The following CHODL variants were observed in gnomAD, a reference collection of about 807,000 sequenced individuals.
CHODL encodes the protein chondrolectin, also known as transmembrane protein MT75.
CHODL carries 29 observed loss-of-function variants against 34.5 expected under a neutral mutation model. The ratio of observed to expected loss-of-function variants is 0.84; its 90% CI spans 0.63 to 1.15. The LOEUF (loss-of-function observed/expected upper bound fraction) is 1.15, where lower values mean the gene tolerates loss of function less well. Ranked by LOEUF, CHODL falls within the 50% of genes most tolerant of loss-of-function variation. The pLI is 0.00. For synonymous variants in CHODL, 125 were observed against 116.1 expected, an observed-to-expected ratio of 1.08 and a Z score of -0.49; for missense variants, 332 against 332.5, an observed-to-expected ratio of 1.00 and a Z score of 0.01.
At chr21:18,235,669 A>G (rs2074022127) in intron 2 of CHODL, among the ~76,000 whole-genome samples, 1 of 152,158 alleles carries the variant, frequency 6.6e-6, no homozygotes, top group Non-Finnish European at 1.5e-5. Context: ...AACTGAATGC[A>G]TTCCACTTAT....
At chr21:18,093,633 G>T (rs537593197) in intron 2 of CHODL, among the ~76,000 whole-genome samples, 1 of 152,260 alleles carries the variant, frequency 6.6e-6, no homozygotes, top group Admixed American at 6.5e-5. Context: ...TTGCATGTTT[G>T]TTTATGCAAT....
intron 2 of CHODL, among the ~76,000 whole-genome samples, chr21:18,103,844 G>A (rs1254082013): frequency 6.6e-6 from 1 of 152,102 alleles, no homozygotes; most frequent in Non-Finnish European, 1.5e-5. Context: ...CATCCTTTCT[G>A]TCACATTCTT....
At chr21:18,046,117 G>A (rs536113608) in intron 2 of CHODL, among the ~76,000 whole-genome samples, 1 of 152,072 alleles carries the variant, frequency 6.6e-6, no homozygotes, top group Admixed American at 6.6e-5. Flanking sequence ...ATAAAAGGGG[G>A]TCAGTGTGAG....
Position 18,129,148 on chromosome 21 carries a change from A to T in CHODL, c.-45+101177A>T, listed in dbSNP as rs142351975. Among the ~76,000 whole-genome samples the T allele has an allele frequency of 3.5e-4, 54 of 152,242 alleles. No individual in the cohort carries two copies. The East Asian group carries it at 8.3e-3, about 23-fold the overall frequency. ...AATTTCTATTAAAAAGAGTTTAATG[A>T]TAAAAATGATGATGGGTTATTTTAA... On this transcript the variant is annotated intron_variant, in intron 2 of 6. Coordinates refer to the CHODL transcript ENST00000400127.
At chr21:18,171,198 G>GTTTTTTTTTTTTTTTTTTTTT (rs1177005708) in intron 2 of CHODL, among the ~76,000 whole-genome samples, 1 of 37,082 alleles carries the variant, frequency 2.7e-5, no homozygotes, top group Non-Finnish European at 4.0e-5. Context: ...GTTTTCTTTA[G>GTTTTTTTTTTTTTTTTTTTTT]TTTTTTTTTT....
At chr21:17,956,686 C>G (rs1475915122) in intron 1 of CHODL, among the ~76,000 whole-genome samples, 1 of 136,200 alleles carries the variant, frequency 7.3e-6, no homozygotes, top group African/African-American at 2.5e-5. Context: ...GCTATCTTCT[C>G]ACTGTGTTTT....
At position 18,256,682 on chromosome 21, in the gene CHODL, C is replaced by G; in HGVS notation, c.253C>G (p.Gln85Glu). Residue 85 changes from glutamine (Q) to glutamate (E), a missense_variant, in exon 2 of 6, where the codon CAA (glutamine) becomes GAA (glutamate). Coordinates refer to ENST00000299295, the MANE Select transcript of CHODL (RefSeq NM_024944.3). ...ACAGAAGTTAATAGAGAGCATGTTG[C>G]AAAACCTGACAAAACCCGGGACAGG... ...AEQKLIESML[Q>E]NLTKPGTGIS... 6.2e-7 allele frequency: 1 copy of G among 1,613,974 alleles called. No homozygotes were observed. Among genetic ancestry groups the G allele is most frequent in the Non-Finnish European group, 8.5e-7 (1 of 1,179,984 alleles).
chr21:18,217,863 A>T (rs1314560966), intron 2 of CHODL, among the ~76,000 whole-genome samples: 3 of 152,190 alleles, frequency 2.0e-5, no homozygotes, highest in African/African-American at 7.2e-5. Context: ...CAGACCCCAT[A>T]TAAGTACAAA....
chr21:18,136,730 ATAT>A (rs1328049881), intron 2 of CHODL, among the ~76,000 whole-genome samples: 2 of 109,090 alleles, frequency 1.8e-5, no homozygotes, highest in East Asian at 4.5e-4. Context: ...ATATATATAT[ATAT>A]ATATATATAT....
chr21:17,965,204 A>G (rs889090148), intron 1 of CHODL, among the ~76,000 whole-genome samples: 10 of 152,160 alleles, frequency 6.6e-5, no homozygotes, highest in African/African-American at 2.4e-4. Flanking sequence ...CTCCAGTTAT[A>G]ATAGGTTTCT....
intron 2 of CHODL, among the ~76,000 whole-genome samples, chr21:18,152,846 G>A (rs749320638): frequency 1.5e-4 from 23 of 152,324 alleles, no homozygotes; most frequent in Non-Finnish European, 2.8e-4. Context: ...TGTGTTGCCA[G>A]CCTGTAACTA....
intron 1 of CHODL, among the ~76,000 whole-genome samples, chr21:17,922,233 A>G (rs1331016196): frequency 1.3e-5 from 2 of 151,788 alleles, no homozygotes; most frequent in East Asian, 3.9e-4. Context: ...ACTGTACCTC[A>G]GAACAACCCA....
At chr21:18,064,750 C>T (rs157732) in intron 2 of CHODL, among the ~76,000 whole-genome samples, 55,334 of 151,908 alleles carry the variant, frequency 0.36, 12,332 homozygotes, top group Non-Finnish European at 0.51. Flanking sequence ...TCTCTCTCTC[C>T]GCACACACAC....
intron 2 of CHODL, among the ~76,000 whole-genome samples, chr21:18,141,482 G>GTATTATCA (rs2146610589): frequency 6.6e-6 from 1 of 152,098 alleles, no homozygotes; most frequent in Admixed American, 6.5e-5. Context: ...CTGAGACATA[G>GTATTATCA]TATTATCATT....
chr21:17,988,847 C>T (rs543183579), intron 1 of CHODL, among the ~76,000 whole-genome samples: 11 of 151,906 alleles, frequency 7.2e-5, no homozygotes, highest in South Asian at 2.1e-4. Flanking sequence ...TGAATAATGC[C>T]GCAATAAACA....
chr21:18,078,753 A>G (rs913007324), intron 2 of CHODL, among the ~76,000 whole-genome samples: 3 of 152,072 alleles, frequency 2.0e-5, no homozygotes, highest in Non-Finnish European at 2.9e-5. Flanking sequence ...GTTGTCATTT[A>G]TATTCTTTTT....
At chr21:17,990,774 T>C (rs959993134) in intron 1 of CHODL, among the ~76,000 whole-genome samples, 3 of 152,136 alleles carry the variant, frequency 2.0e-5, no homozygotes, top group Admixed American at 6.6e-5. Context: ...AAATCAGTAA[T>C]TAGGATATCT....
At chr21:18,215,159 A>C (rs1185751810) in intron 2 of CHODL, among the ~76,000 whole-genome samples, 3 of 152,048 alleles carry the variant, frequency 2.0e-5, no homozygotes, top group Admixed American at 6.6e-5. Flanking sequence ...TAATCCATAA[A>C]AGGAAGAGAG....
At chr21:18,195,333 C>T (rs1020724756) in intron 2 of CHODL, among the ~76,000 whole-genome samples, 43 of 152,234 alleles carry the variant, frequency 2.8e-4, no homozygotes, top group African/African-American at 9.6e-4. Context: ...GGATTACAGG[C>T]GTGAGCCACC....
Sources: allele counts gnomAD v4.1 joint callset (sites outside exome capture counted in the v4.1 genomes callset), GRCh38; gene constraint gnomAD v4.1.1; transcripts MANE v1.5; gene names NCBI Gene and HGNC (gene_info 2026-07-23, HGNC 2026-07-21).